GNB5: variants seen among roughly 807,000 people sequenced by gnomAD.
GNB5 encodes the protein G protein subunit beta 5.
In GNB5, 37 loss-of-function variants were observed where a neutral mutation model predicts 55.3. That is an observed-to-expected ratio of 0.67 (90% CI 0.51 to 0.88). The LOEUF (loss-of-function observed/expected upper bound fraction) is 0.88, where lower values mean the gene tolerates loss of function less well. Ranked by LOEUF, GNB5 falls within the 40% of genes least tolerant of loss-of-function variation. The pLI is 0.00. For synonymous variants in GNB5, 219 were observed against 198.5 expected (o/e 1.10, Z -0.87); for missense variants, 476 against 515.3 (o/e 0.92, Z 0.74).
Position 52,135,819 on chromosome 15 carries a change from A to G in GNB5, c.628-63T>C, listed in dbSNP as rs573351351. On this transcript the variant is annotated intron_variant, in intron 7 of 12. Coordinates refer to ENST00000261837, the MANE Select transcript of GNB5 (RefSeq NM_016194.4). Reference sequence around the variant, plus strand: ...TTATTGCTTATGCCGGGGGCAGTCAATCAGAGGCTTAACGTTCCGCAGGGA... The same window carrying G: ...TTATTGCTTATGCCGGGGGCAGTCAGTCAGAGGCTTAACGTTCCGCAGGGA... 1.6e-5 allele frequency: 25 copies of G among 1,542,652 alleles called. No individual in the cohort carries two copies. In the East Asian group the frequency reaches 5.7e-4, roughly 35 times the overall value.
At chr15:52,177,715 C>G (rs1338451129) in intron 3 of GNB5, among the ~76,000 whole-genome samples, 1 of 151,132 alleles carries the variant, frequency 6.6e-6, no homozygotes, top group Non-Finnish European at 1.5e-5. Context: ...GATCAGGAGA[C>G]ATGTCAAAGG....
chr15:52,140,139 T>A, intron 7 of GNB5: 2 of 261,608 alleles, frequency 7.6e-6, no homozygotes, highest in South Asian at 9.2e-5. Flanking sequence ...AATTGAACAA[T>A]TACCCAGCCA....
intron 11 of GNB5, 132 bp from the exon 12 acceptor site, chr15:52,124,771 A>G: frequency 1.4e-6 from 1 of 716,020 alleles, no homozygotes; most frequent in Non-Finnish European, 2.4e-6. Context: ...GCTTTGCCTC[A>G]AGGATTCAAA....
In GNB5 at chr15:52,115,263, G is replaced by C. The variant is rs191083371; in HGVS notation, c.*7494C>G. 1 of 152,146 alleles carries C rather than the reference G, an allele frequency of 6.6e-6. No individual in the cohort carries two copies. The highest frequency in any genetic ancestry group is 1.5e-5 in the Non-Finnish European group (1 of 68,014). The allele number at this position is 152,146 out of a possible 1,614,324, so 9.4% of individuals were successfully genotyped here. A position where few individuals can be genotyped will look rare whatever the true frequency, so the allele number is the denominator to read the frequency against. ...ATTGGTAACTCAACAATGATGAAAAGAACTAAACAACAAATGAATAAATTA... is the reference window on the plus strand; with the variant it reads ...ATTGGTAACTCAACAATGATGAAAACAACTAAACAACAAATGAATAAATTA... On this transcript the variant is annotated 3_prime_UTR_variant, in exon 13 of 13. Transcript: ENST00000261837.
intron 7 of GNB5, chr15:52,139,851 G>C: frequency 1.6e-6 from 2 of 1,283,698 alleles, no homozygotes; most frequent in Non-Finnish European, 2.0e-6. Flanking sequence ...CTGCCCCGGG[G>C]CAACACAGAG....
intron 2 of GNB5, 42 bp from the exon 3 acceptor site, chr15:52,179,921 A>C: frequency 6.8e-7 from 1 of 1,475,844 alleles, no homozygotes; most frequent in Non-Finnish European, 9.0e-7. Flanking sequence ...GGAGAGCGGG[A>C]ATGCGCTGAG....
At chr15:52,150,453 A>G (rs2034068740) in intron 4 of GNB5, among the ~76,000 whole-genome samples, 1 of 152,160 alleles carries the variant, frequency 6.6e-6, no homozygotes, top group South Asian at 2.1e-4. Context: ...TGCCAGGGAC[A>G]GCTGCGGAGG....
chr15:52,181,083 G>A (rs1451169236), intron 2 of GNB5: 1 of 152,214 alleles, frequency 6.6e-6, no homozygotes, highest in Non-Finnish European at 1.5e-5. Flanking sequence ...TACAGATGCT[G>A]CGAGAACATC....
At chr15:52,143,260 G>C (rs1387534781) in intron 6 of GNB5, among the ~76,000 whole-genome samples, 1 of 152,036 alleles carries the variant, frequency 6.6e-6, no homozygotes, top group East Asian at 1.9e-4. Flanking sequence ...CCTGACCCCT[G>C]AGCTGGGATA....
At position 52,115,284 on chromosome 15, in the gene GNB5, A is replaced by C. The variant is rs1391135311; in HGVS notation, c.*7473T>G. 1 of 152,234 alleles carries C rather than the reference A, an allele frequency of 6.6e-6. No homozygotes were observed. Among genetic ancestry groups the C allele is most frequent in the African/African-American group, 2.4e-5 (1 of 41,442 alleles). 9.4% of individuals were successfully genotyped at this position (152,234 alleles called of 1,614,324 possible). A position where few individuals can be genotyped will look rare whatever the true frequency, so the allele number is the denominator to read the frequency against. ...AAAAGAACTAAACAACAAATGAATA[A>C]ATTAACCTCAACATAGAATTTCCAG... On this transcript the variant is annotated 3_prime_UTR_variant, in exon 13 of 13. Coordinates refer to ENST00000261837, the MANE Select transcript of GNB5 (RefSeq NM_016194.4).
chr15:52,117,609 A>C lies in GNB5; in HGVS notation c.*5148T>G, dbSNP rs1293869142. 2 of 152,292 alleles carry C rather than the reference A, an allele frequency of 1.3e-5. No homozygotes were observed. Among genetic ancestry groups the C allele is most frequent in the Non-Finnish European group, 2.9e-5 (2 of 68,096 alleles). The allele number at this position is 152,292 out of a possible 1,614,324, so 9.4% of individuals were successfully genotyped here. A position where few individuals can be genotyped will look rare whatever the true frequency, so the allele number is the denominator to read the frequency against. On this transcript the variant is annotated 3_prime_UTR_variant, in exon 13 of 13. Coordinates refer to ENST00000261837, the MANE Select transcript of GNB5 (RefSeq NM_016194.4). ...CCAGAGTCCCCTGTGGAGACTGACC[A>C]ACCCTGAAGGCCAGCCTGGCTCCAG...
intron 3 of GNB5, among the ~76,000 whole-genome samples, chr15:52,158,139 ATCT>A (rs1209470424): frequency 2.6e-5 from 4 of 152,092 alleles, no homozygotes; most frequent in African/African-American, 7.2e-5. Context: ...GTCTTGTTTG[ATCT>A]TCTTCAGAGG....
chr15:52,154,974 G>A (rs2034176847), intron 3 of GNB5, among the ~76,000 whole-genome samples: 1 of 152,176 alleles, frequency 6.6e-6, no homozygotes, highest in South Asian at 2.1e-4. Context: ...AGTCTGAGAG[G>A]GACAAGTTTG....
At chr15:52,185,234 G>C (rs1394823550) in intron 1 of GNB5, among the ~76,000 whole-genome samples, 1 of 152,242 alleles carries the variant, frequency 6.6e-6, no homozygotes, top group African/African-American at 2.4e-5. Flanking sequence ...GAAGTCAACA[G>C]ACAGGCCCAG....
chr15:52,172,963 G>A (rs191357938), intron 3 of GNB5, among the ~76,000 whole-genome samples: 494 of 151,972 alleles, frequency 3.3e-3, no homozygotes, highest in Non-Finnish European at 5.3e-3. Context: ...AAAAAAAATC[G>A]GCACCTTTTC....
chr15:52,177,661 AAAAAAG>A (rs2034678302), intron 3 of GNB5, among the ~76,000 whole-genome samples: 1 of 151,942 alleles, frequency 6.6e-6, no homozygotes, highest in Non-Finnish European at 1.5e-5. Flanking sequence ...AAAAAAAAAA[AAAAAAG>A]AAAAGAAAAG....
intron 7 of GNB5, chr15:52,139,594 T>G (rs1291929983): frequency 3.9e-6 from 1 of 258,928 alleles, no homozygotes; most frequent in Non-Finnish European, 7.9e-6. Context: ...TTTACTATCC[T>G]CATGTGCAGG....
intron 1 of GNB5, among the ~76,000 whole-genome samples, chr15:52,190,600 A>G (rs1330134952): frequency 6.6e-6 from 1 of 152,092 alleles, no homozygotes; most frequent in Non-Finnish European, 1.5e-5. Context: ...TGACAACACA[A>G]AGTGTGGGCA....
At chr15:52,176,086 C>CAG (rs34195467) in intron 3 of GNB5, among the ~76,000 whole-genome samples, 37,211 of 151,804 alleles carry the variant, frequency 0.25, 4,981 homozygotes, top group Admixed American at 0.34. Context: ...CAAACAAAAA[C>CAG]ATCTGTTAAC....
Sources: allele counts gnomAD v4.1 joint callset (sites outside exome capture counted in the v4.1 genomes callset), GRCh38; gene constraint gnomAD v4.1.1; transcripts MANE v1.5; gene names NCBI Gene and HGNC (gene_info 2026-07-23, HGNC 2026-07-21).